The following ERC2 variants were observed in gnomAD, a reference collection of about 807,000 sequenced individuals.
The protein encoded by ERC2 is ERC protein 2.
ERC2 carries 42 observed loss-of-function variants against 114.8 expected under a neutral mutation model. That is an observed-to-expected ratio of 0.37 (90% confidence interval 0.29 to 0.47). The LOEUF is 0.47. Ranked by LOEUF, ERC2 falls within the 20% of genes least tolerant of loss-of-function variation. The pLI, the probability that ERC2 is intolerant of heterozygous loss-of-function variation, is 0.99. For synonymous variants in ERC2, 454 were observed against 425.5 expected (o/e 1.07, Z -0.82); for missense variants, 939 against 1,150.7 (o/e 0.82, Z 2.66).
At chr3:55,846,689 C>T (rs202008705) in intron 14 of ERC2, among the ~76,000 whole-genome samples, 73 of 87,154 alleles carry the variant, frequency 8.4e-4, no homozygotes, top group East Asian at 2.9e-3. Context: ...CTCTCTCTCT[C>T]TCTTTCTCTC....
intron 10 of ERC2, among the ~76,000 whole-genome samples, chr3:55,999,976 A>C (rs2071904423): frequency 6.6e-6 from 1 of 151,844 alleles, no homozygotes; most frequent in African/African-American, 2.4e-5. Context: ...ATATTTAAAA[A>C]TATAATAAAG....
chr3:56,177,803 C>G (rs777023670), intron 3 of ERC2, among the ~76,000 whole-genome samples: 13 of 152,198 alleles, frequency 8.5e-5, no homozygotes, highest in Non-Finnish European at 1.6e-4. Context: ...GTTTCTAATG[C>G]TCTTCCAGCT....
intron 17 of ERC2, chr3:55,606,766 A>C (rs576153501): frequency 6.6e-6 from 1 of 152,518 alleles, no homozygotes. Context: ...AAAGGGTAAA[A>C]GTAAACATTG....
chr3:55,928,175 A>G (rs1026859952), intron 13 of ERC2, among the ~76,000 whole-genome samples: 1 of 152,152 alleles, frequency 6.6e-6, no homozygotes, highest in Non-Finnish European at 1.5e-5. Flanking sequence ...TTTTTTAAGG[A>G]ACCTCCAAAC....
chr3:55,921,734 G>A (rs1049229119), intron 13 of ERC2, among the ~76,000 whole-genome samples: 11 of 152,042 alleles, frequency 7.2e-5, no homozygotes, highest in Admixed American at 7.2e-4. Context: ...GTCCATATAT[G>A]GAGAGTATTA....
In ERC2 at chr3:56,150,708, A is replaced by C. The variant is rs572110577; in HGVS notation, c.1150-1576T>G. On this transcript the variant is annotated intron_variant, in intron 4 of 17. Transcript: ENST00000288221. ...AACCACCATTAATGTTTTCATGTATATTCTGCCAGTATTTTTCTATTTAGA... is the reference window on the plus strand; with the variant it reads ...AACCACCATTAATGTTTTCATGTATCTTCTGCCAGTATTTTTCTATTTAGA... Among the ~76,000 whole-genome samples, 3 of 152,328 alleles carry C rather than the reference A, an allele frequency of 2.0e-5. No individual in the cohort carries two copies. In the East Asian group the frequency reaches 5.8e-4, roughly 29 times the overall value.
intron 14 of ERC2, among the ~76,000 whole-genome samples, chr3:55,855,541 TA>T (rs780274713): frequency 6.6e-5 from 10 of 152,308 alleles, no homozygotes; most frequent in South Asian, 4.1e-4. Flanking sequence ...ATTTCTTTGG[TA>T]GGGGGGGATG....
intron 17 of ERC2, among the ~76,000 whole-genome samples, chr3:55,589,710 A>G (rs2057780172): frequency 6.6e-6 from 1 of 152,060 alleles, no homozygotes; most frequent in Non-Finnish European, 1.5e-5. Flanking sequence ...GGGCAGGAAG[A>G]GTTGTCAGGC....
At chr3:55,699,252 C>A in intron 16 of ERC2, 126 bp downstream of exon 16, 1 of 1,172,830 alleles carries the variant, frequency 8.5e-7, no homozygotes, top group Non-Finnish European at 1.2e-6. Context: ...AATACCAAAG[C>A]TATTAGTTTC....
intron 14 of ERC2, among the ~76,000 whole-genome samples, chr3:55,859,039 T>C (rs982518352): frequency 2.0e-5 from 3 of 152,128 alleles, no homozygotes; most frequent in Admixed American, 6.6e-5. Context: ...CATCCAGCAA[T>C]TCTATTAGTT....
chr3:55,599,094 C>T (rs61342621), intron 17 of ERC2, among the ~76,000 whole-genome samples: 2,291 of 152,328 alleles, frequency 0.015, 67 homozygotes, highest in African/African-American at 0.052. Flanking sequence ...CTTTTGCAGA[C>T]TCCTCCACCT....
At chr3:55,814,243 TA>T (rs2059826238) in intron 14 of ERC2, among the ~76,000 whole-genome samples, 1 of 152,190 alleles carries the variant, frequency 6.6e-6, no homozygotes, top group Non-Finnish European at 1.5e-5. Context: ...TAGACATGCA[TA>T]ATCCAACCTT....
intron 17 of ERC2, among the ~76,000 whole-genome samples, chr3:55,634,890 T>TG (rs2059895097): frequency 1.7e-5 from 1 of 60,108 alleles, no homozygotes; most frequent in Non-Finnish European, 5.1e-5. Flanking sequence ...CTTTATTATT[T>TG]CTTTTTTTTT....
intron 3 of ERC2, among the ~76,000 whole-genome samples, chr3:56,294,077 G>C (rs2055271423): frequency 6.6e-6 from 1 of 152,220 alleles, no homozygotes; most frequent in South Asian, 2.1e-4. Flanking sequence ...GCAGTTTTGA[G>C]ATAACACAAG....
rs1489412855 is a variant in ERC2 at position 55,786,103 on chromosome 3, C to G, written c.2565-51185G>C. 4.6e-5 allele frequency among the ~76,000 whole-genome samples: 7 copies of G among 152,194 alleles called. No individual in the cohort carries two copies. The South Asian group carries it at 1.2e-3, about 27-fold the overall frequency. On this transcript the variant is annotated intron_variant, in intron 14 of 17. Transcript: ENST00000288221. ...TTGAATTAAACTCTACATAGTATGT[C>G]ACACATAGCTTGCAATATGCCAGCA...
At chr3:56,016,539 T>C (rs1300828052) in intron 8 of ERC2, among the ~76,000 whole-genome samples, 1 of 151,884 alleles carries the variant, frequency 6.6e-6, no homozygotes, top group Admixed American at 6.6e-5. Context: ...AGAGTTTACA[T>C]CACGATGACT....
chr3:55,553,011 ATTTT>A (rs66602607), intron 17 of ERC2, among the ~76,000 whole-genome samples: 20 of 55,222 alleles, frequency 3.6e-4, no homozygotes, highest in South Asian at 3.6e-3. Flanking sequence ...GGGCTTCCAG[ATTTT>A]TTTTTTTTTT....
intron 17 of ERC2, among the ~76,000 whole-genome samples, chr3:55,556,842 CT>C (rs1344597190): frequency 1.3e-5 from 2 of 152,136 alleles, no homozygotes; most frequent in African/African-American, 4.8e-5. Flanking sequence ...GCTGGTTTTT[CT>C]TTTTGCTTGC....
Position 55,824,068 on chromosome 3 carries a change from C to T in ERC2, c.2564+64321G>A, listed in dbSNP as rs9863302. On this transcript the variant is annotated intron_variant, in intron 14 of 17. Transcript: ENST00000288221. ...AACCCTGCTACCTCTATGCATGTCCCATTTTCTTCTTCTTCTAAGGATGTC... is the reference window on the plus strand; with the variant it reads ...AACCCTGCTACCTCTATGCATGTCCTATTTTCTTCTTCTTCTAAGGATGTC... 4.2e-3 allele frequency among the ~76,000 whole-genome samples: 634 copies of T among 152,282 alleles called. 9 individuals carry two copies. The highest frequency in any genetic ancestry group is 0.014 in the African/African-American group (601 of 41,562).
Sources: gnomAD v4.1 joint callset for allele counts (sites outside exome capture counted in the v4.1 genomes callset) on GRCh38, gnomAD v4.1.1 for gene constraint, MANE v1.5 for transcripts, NCBI Gene and HGNC (gene_info 2026-07-23, HGNC 2026-07-21) for gene names.